Variants in CIMAP2 observed in about 807,000 individuals in gnomAD.
The protein encoded by CIMAP2 is ciliary microtubule-associated protein 2.
At chr1:54,812,749 T>C in the CIMAP2 span, among the ~76,000 whole-genome samples, 211 of 152,336 alleles carry the variant, frequency 1.4e-3, no homozygotes, top group African/African-American at 5.0e-3. Context: ...GTTTATGTTG[T>C]CTCCATTATG....
At chr1:54,811,772 T>TCCCCCCCCCCC in the CIMAP2 span, 103 of 454,820 alleles carry the variant, frequency 2.3e-4, no homozygotes, top group Middle Eastern at 4.9e-4. Context: ...ACAGCCTCCA[T>TCCCCCCCCCCC]GCCCCCACCC....
chr1:54,841,571 T>G, the CIMAP2 span: 5 of 1,612,940 alleles, frequency 3.1e-6, no homozygotes, highest in Non-Finnish European at 4.2e-6. Flanking sequence ...GTTGGGTGCT[T>G]TAATGAGCTG....
At chr1:54,842,085 T>C in the CIMAP2 span, 6 of 591,836 alleles carry the variant, frequency 1.0e-5, no homozygotes, top group South Asian at 1.1e-4. Context: ...AGGTATCTTT[T>C]GTTGCAGGAG....
chr1:54,839,057 T>C, the CIMAP2 span, among the ~76,000 whole-genome samples: 2 of 152,126 alleles, frequency 1.3e-5, no homozygotes, highest in Admixed American at 6.5e-5. Context: ...AATCGCAAAA[T>C]AGGATTGGAT....
the CIMAP2 span, chr1:54,811,765 G>GCCGGGGGGGCGGCCCCCC: frequency 7.7e-7 from 1 of 1,301,330 alleles, no homozygotes; most frequent in Non-Finnish European, 1.1e-6. Flanking sequence ...GGTTCTGACA[G>GCCGGGGGGGCGGCCCCCC]CCTCCATGCC....
At chr1:54,821,922 G>A in the CIMAP2 span, among the ~76,000 whole-genome samples, 1 of 90,088 alleles carries the variant, frequency 1.1e-5, no homozygotes, top group Non-Finnish European at 2.1e-5. Flanking sequence ...TTTTTGAGAC[G>A]GAGTCTCGCT....
the CIMAP2 span, among the ~76,000 whole-genome samples, chr1:54,833,806 C>T: frequency 3.3e-5 from 5 of 152,062 alleles, no homozygotes; most frequent in African/African-American, 1.2e-4. Context: ...CTTTGTCTTC[C>T]CCACATTGTG....
At chr1:54,829,817 A>G in the CIMAP2 span, among the ~76,000 whole-genome samples, 1 of 152,340 alleles carries the variant, frequency 6.6e-6, no homozygotes, top group East Asian at 1.9e-4. Context: ...AAAAGATTAA[A>G]GATTAATATA....
At chr1:54,820,009 TTTCC>T in the CIMAP2 span, among the ~76,000 whole-genome samples, 1 of 121,898 alleles carries the variant, frequency 8.2e-6, no homozygotes, top group South Asian at 2.7e-4. Context: ...CTCCCTCTCT[TTTCC>T]TTCTTTCCTT....
chr1:54,832,249 A>C, the CIMAP2 span, among the ~76,000 whole-genome samples: 3 of 152,262 alleles, frequency 2.0e-5, no homozygotes, highest in Non-Finnish European at 4.4e-5. Context: ...AAGGATATAT[A>C]AATAATTATT....
chr1:54,806,216 C>A, the CIMAP2 span: 1 of 1,533,806 alleles, frequency 6.5e-7, no homozygotes, highest in Non-Finnish European at 8.7e-7. Context: ...GGTGCAGAGC[C>A]ACAGGTGGGG....
chr1:54,838,410 C>T, the CIMAP2 span, among the ~76,000 whole-genome samples: 268 of 151,710 alleles, frequency 1.8e-3, 5 homozygotes, highest in African/African-American at 6.2e-3. Flanking sequence ...TTGAATCCAG[C>T]GGTGGAGGTT....
At chr1:54,839,535 G>A in the CIMAP2 span, among the ~76,000 whole-genome samples, 1 of 151,930 alleles carries the variant, frequency 6.6e-6, no homozygotes, top group African/African-American at 2.4e-5. Flanking sequence ...CTGCCACCAC[G>A]CCCGACTAAT....
At chr1:54,815,183 CTCCCACTGT>C in the CIMAP2 span, 1 of 1,220,248 alleles carries the variant, frequency 8.2e-7, no homozygotes, top group South Asian at 1.5e-5. Flanking sequence ...CTGAGGTCCA[CTCCCACTGT>C]CTTATTTTCC....
the CIMAP2 span, among the ~76,000 whole-genome samples, chr1:54,839,124 G>C: frequency 4.6e-5 from 3 of 65,784 alleles, no homozygotes; most frequent in Non-Finnish European, 1.3e-4. Flanking sequence ...CTTCTTCCAG[G>C]GAGGAGAAAA....
At chr1:54,813,838 A>T in the CIMAP2 span, 1 of 1,608,686 alleles carries the variant, frequency 6.2e-7, no homozygotes, top group Non-Finnish European at 8.5e-7. Flanking sequence ...GGAACTGATG[A>T]ATTTCAAGAG....
the CIMAP2 span, among the ~76,000 whole-genome samples, chr1:54,819,824 C>CTTTCTTTCTTTCTT: frequency 3.3e-3 from 328 of 100,246 alleles, no homozygotes; most frequent in Non-Finnish European, 4.1e-3. Context: ...TTCTTTCTTT[C>CTTTCTTTCTTTCTT]TCTTTCTTTC....
the CIMAP2 span, chr1:54,811,765 G>GCCGGGGGGGGCGCCCCCCCCCCCC: frequency 7.7e-7 from 1 of 1,301,332 alleles, no homozygotes; most frequent in Non-Finnish European, 1.1e-6. Context: ...GGTTCTGACA[G>GCCGGGGGGGGCGCCCCCCCCCCCC]CCTCCATGCC....
chr1:54,813,967 C>T, the CIMAP2 span: 15 of 1,604,030 alleles, frequency 9.4e-6, no homozygotes, highest in Admixed American at 3.5e-5. Flanking sequence ...CCAGTGCCCC[C>T]GCACACTGGT....
Sources: allele counts gnomAD v4.1 joint callset (sites outside exome capture counted in the v4.1 genomes callset), GRCh38; gene constraint gnomAD v4.1.1; transcripts MANE v1.5; gene names NCBI Gene and HGNC (gene_info 2026-07-23, HGNC 2026-07-21).